AGAP1: variants seen among roughly 807,000 people sequenced by gnomAD.
AGAP1 encodes the protein ArfGAP with GTPase domain, ankyrin repeat and PH domain 1.
Under a neutral mutation model 105.3 loss-of-function variants are expected in AGAP1, and 29 were observed. The ratio of observed to expected loss-of-function variants is 0.28; its 90% CI spans 0.21 to 0.38. The LOEUF (loss-of-function observed/expected upper bound fraction) is 0.38. AGAP1 is among the 10% of genes least tolerant of loss of function. AGAP1 has a pLI of 1.00. For synonymous variants in AGAP1, 509 were observed against 485.9 expected (o/e 1.05, Z -0.63); for missense variants, 998 against 1,165.1 (o/e 0.86, Z 2.09).
chr2:235,935,460 C>T (rs1251883318), intron 12 of AGAP1, among the ~76,000 whole-genome samples: 1 of 152,148 alleles, frequency 6.6e-6, no homozygotes, highest in Non-Finnish European at 1.5e-5. Context: ...GTAATTTTTG[C>T]AGCAAGAGAG....
intron 10 of AGAP1, among the ~76,000 whole-genome samples, chr2:235,907,814 TTTC>T (rs1379687508): frequency 2.6e-5 from 4 of 152,186 alleles, no homozygotes; most frequent in Non-Finnish European, 4.4e-5. Flanking sequence ...AATGCAATAT[TTTC>T]TTATTTGTAT....
chr2:235,890,759 C>T (rs962922253), intron 10 of AGAP1, among the ~76,000 whole-genome samples: 1 of 152,248 alleles, frequency 6.6e-6, no homozygotes, highest in South Asian at 2.1e-4. Flanking sequence ...AGAACGAATT[C>T]TTTCACTGGG....
rs997503488 is a variant in AGAP1, at chr2:235,622,225, T to C, written c.164-86954T>C. On this transcript the variant is annotated intron_variant, in intron 1 of 17. Coordinates refer to ENST00000304032, the MANE Select transcript of AGAP1 (RefSeq NM_001037131.3). This position sits in a 1 kb window ranked among gnomAD's most constrained non-coding sequence, Gnocchi z 5.0. ...TCTTCCCAATTTTGGGAAAGGAGCC[T>C]TCGTCTTTGCTTCCTAGGAATGGTC... Among the ~76,000 whole-genome samples the C allele has an allele frequency of 3.9e-5, 6 of 152,194 alleles. No homozygotes were observed. The highest frequency in any genetic ancestry group is 3.9e-4 in the Admixed American group (6 of 15,274).
intron 1 of AGAP1, among the ~76,000 whole-genome samples, chr2:235,502,505 A>G (rs1056368772): frequency 2.0e-4 from 31 of 151,990 alleles, no homozygotes; most frequent in African/African-American, 7.5e-4. Flanking sequence ...CTGGGAACAG[A>G]TTGGTGTTTT....
At chr2:236,085,273 C>T (rs1354475335) in intron 16 of AGAP1, among the ~76,000 whole-genome samples, 3 of 150,254 alleles carry the variant, frequency 2.0e-5, no homozygotes, top group Non-Finnish European at 4.4e-5. Context: ...ACTGCCTGAA[C>T]TGGCCAGGAC....
intron 12 of AGAP1, among the ~76,000 whole-genome samples, chr2:235,955,419 A>G (rs561481649): frequency 6.6e-6 from 1 of 152,276 alleles, no homozygotes; most frequent in East Asian, 1.9e-4. Context: ...GCTCAGCAGC[A>G]TGTATCCAGA....
At chr2:235,587,926 A>C (rs1230547739) in intron 1 of AGAP1, among the ~76,000 whole-genome samples, 2 of 151,932 alleles carry the variant, frequency 1.3e-5, no homozygotes, top group African/African-American at 2.4e-5. Flanking sequence ...GTCATCTGGC[A>C]GCCTTAGAAA....
At position 235,973,316 on chromosome 2, in the gene AGAP1, T is replaced by C. The variant is rs572287699; in HGVS notation, c.1645+4693T>C. On this transcript the variant is annotated intron_variant, in intron 13 of 17. Coordinates refer to ENST00000304032, the MANE Select transcript of AGAP1 (RefSeq NM_001037131.3). This position sits in a 1 kb window ranked among gnomAD's most constrained non-coding sequence, Gnocchi z 4.7. ...TACCATTTAAAATGAATCGGAGGAA[T>C]CTGGAAAGTTACAGAAGCAGGGACG... is the stretch of plus-strand genomic sequence containing the variant. 2.0e-5 allele frequency among the ~76,000 whole-genome samples: 3 copies of C among 152,344 alleles called. No homozygotes were observed. Among genetic ancestry groups the C allele is most frequent in the Non-Finnish European group, 4.4e-5 (3 of 68,030 alleles).
chr2:236,108,411 C>T (rs532529813), intron 16 of AGAP1, among the ~76,000 whole-genome samples: 16 of 152,268 alleles, frequency 1.1e-4, no homozygotes, highest in Admixed American at 8.5e-4. Flanking sequence ...CAACACCAGG[C>T]GGGCGGGTCC....
rs1396413481 is a variant in AGAP1 at position 235,734,485 on chromosome 2, GCT to G, written c.311-6477_311-6476del. On this transcript the variant is annotated intron_variant, in intron 3 of 17. Coordinates refer to ENST00000304032, the MANE Select transcript of AGAP1 (RefSeq NM_001037131.3). The surrounding 1 kb of genome is among the most constrained non-coding windows in gnomAD (Gnocchi z 5.3). ...GGAAACAGTGGGCTCTACACATGGA[GCT>G]TTGAAGTCAAGAGTCATTTTCATCC... Among the ~76,000 whole-genome samples the G allele has an allele frequency of 7.9e-5, 12 of 151,484 alleles. No individual in the cohort carries two copies. The East Asian group carries it at 2.1e-3, about 27-fold the overall frequency.
chr2:235,733,347 C>T lies in AGAP1; in HGVS notation c.311-7616C>T, dbSNP rs564835551. The stretch of plus-strand genomic sequence containing the variant: ...GGCTGCCCCTTCTGTTTCTTCCCTG[C>T]GCACTTTGGGGTGAAGTGATGGGGT... On this transcript the variant is annotated intron_variant, in intron 3 of 17. Coordinates refer to ENST00000304032, the MANE Select transcript of AGAP1 (RefSeq NM_001037131.3). The surrounding 1 kb of genome is among the most constrained non-coding windows in gnomAD (Gnocchi z 5.0). Among the ~76,000 whole-genome samples the T allele has an allele frequency of 8.5e-5, 13 of 152,290 alleles. No individual in the cohort carries two copies. The highest frequency in any genetic ancestry group is 2.0e-4 in the Admixed American group (3 of 15,304).
intron 13 of AGAP1, among the ~76,000 whole-genome samples, chr2:236,031,986 T>C (rs1025795900): frequency 2.0e-5 from 3 of 152,150 alleles, no homozygotes; most frequent in Non-Finnish European, 2.9e-5. Context: ...CCTTTTCATA[T>C]TTGTAGTTGG....
At chr2:235,606,112 C>T (rs1229941035) in intron 1 of AGAP1, among the ~76,000 whole-genome samples, 1 of 152,202 alleles carries the variant, frequency 6.6e-6, no homozygotes, top group Non-Finnish European at 1.5e-5. Context: ...ATTCATGGTT[C>T]CCAAGATCGG....
At chr2:235,840,404 C>T (rs1490181742) in intron 9 of AGAP1, among the ~76,000 whole-genome samples, 1 of 152,246 alleles carries the variant, frequency 6.6e-6, no homozygotes, top group Non-Finnish European at 1.5e-5. Flanking sequence ...TCCTTGTTCT[C>T]ACCTTTGCCC....
intron 1 of AGAP1, among the ~76,000 whole-genome samples, chr2:235,589,426 C>T (rs567949750): frequency 6.6e-6 from 1 of 151,910 alleles, no homozygotes; most frequent in Non-Finnish European, 1.5e-5. Flanking sequence ...AGGCTGGTCT[C>T]GAACTCCTGA....
chr2:235,719,165 T>A lies in AGAP1; in HGVS notation c.310+1521T>A, dbSNP rs1951258362. 6.6e-6 allele frequency among the ~76,000 whole-genome samples: 1 copy of A among 152,194 alleles called. No homozygotes were observed. Among genetic ancestry groups the A allele is most frequent in the Non-Finnish European group, 1.5e-5 (1 of 68,046 alleles). ...ATTTCAAGCTGGGACCACAGGAAGT[T>A]ACATGAGTCGGGCCTGGTTTTGTTG... On this transcript the variant is annotated intron_variant, in intron 3 of 17. Transcript: ENST00000304032. This position sits in a 1 kb window ranked among gnomAD's most constrained non-coding sequence, Gnocchi z 4.9.
At chr2:235,860,748 G>C (rs984135258) in intron 9 of AGAP1, among the ~76,000 whole-genome samples, 1 of 152,164 alleles carries the variant, frequency 6.6e-6, no homozygotes, top group Non-Finnish European at 1.5e-5. Flanking sequence ...CTGCTATTCA[G>C]CCGTTCTTTT....
At position 235,958,262 on chromosome 2, in the gene AGAP1, CTGG is replaced by C. The variant is rs952548554; in HGVS notation, c.1484-10199_1484-10197del. On this transcript the variant is annotated intron_variant, in intron 12 of 17. Coordinates refer to ENST00000304032, the MANE Select transcript of AGAP1 (RefSeq NM_001037131.3). The surrounding 1 kb of genome is among the most constrained non-coding windows in gnomAD (Gnocchi z 4.1). ...TGAGGGAGAGTGGTTGGAGGTGTTTCTGGAGGGCCCTGTACTCCCTGAAATCCA... is the reference window on the plus strand; with the variant it reads ...TGAGGGAGAGTGGTTGGAGGTGTTTCAGGGCCCTGTACTCCCTGAAATCCA... Among the ~76,000 whole-genome samples, 7 of 152,020 alleles carry C rather than the reference CTGG, an allele frequency of 4.6e-5. No homozygotes were observed. Among genetic ancestry groups the C allele is most frequent in the Admixed American group, 2.6e-4 (4 of 15,258 alleles).
At chr2:235,764,036 C>T (rs533723652) in intron 6 of AGAP1, among the ~76,000 whole-genome samples, 2 of 152,234 alleles carry the variant, frequency 1.3e-5, no homozygotes, top group East Asian at 1.9e-4. Context: ...GGCTTTGGCC[C>T]GTGCGTGGCT....
Sources: allele counts gnomAD v4.1 joint callset (sites outside exome capture counted in the v4.1 genomes callset), GRCh38; gene constraint gnomAD v4.1.1; non-coding constraint Gnocchi (gnomAD v3.1); transcripts MANE v1.5; gene names NCBI Gene and HGNC (gene_info 2026-07-23, HGNC 2026-07-21).